KDM2B: variants seen among roughly 807,000 people sequenced by gnomAD.
KDM2B encodes lysine demethylase 2B, also known as lysine-specific demethylase 2B.
In KDM2B, 26 loss-of-function variants were observed where a neutral mutation model predicts 150.0. The ratio of observed to expected loss-of-function variants is 0.17; its 90% CI spans 0.13 to 0.24. The LOEUF is 0.24. Ranked by LOEUF, KDM2B falls within the 10% of genes least tolerant of loss-of-function variation. The probability of loss-of-function intolerance (pLI) is 1.00; values close to 1 mark genes in which losing one functional copy is unlikely to be tolerated. For missense variants in KDM2B, 1,265 were observed against 1,816.9 expected (o/e 0.70, Z 5.52); for synonymous variants, 734 against 729.5 (o/e 1.01, Z -0.10).
Position 121,533,274 on chromosome 12 carries a change from G to A in KDM2B, c.778-315C>T, listed in dbSNP as rs1887817046. On this transcript the variant is annotated intron_variant, in intron 7 of 22. Transcript: ENST00000377071. The surrounding 1 kb of genome is among the most constrained non-coding windows in gnomAD (Gnocchi z 4.1). ...CAGGCTTGTCTAGGAGGTGGGGGAA[G>A]GAGAGGAAGGGAATTTCCTAAGTTG... Among the ~76,000 whole-genome samples, 1 of 152,180 alleles carries A rather than the reference G, an allele frequency of 6.6e-6. No homozygotes were observed. The highest frequency in any genetic ancestry group is 1.5e-5 in the Non-Finnish European group (1 of 68,016).
intron 6 of KDM2B, chr12:121,536,295 C>G (rs1888090479): frequency 6.4e-6 from 1 of 155,628 alleles, no homozygotes; most frequent in South Asian, 2.0e-4. Flanking sequence ...AACCATGTGT[C>G]TGCAGGAGGC....
intron 12 of KDM2B, among the ~76,000 whole-genome samples, chr12:121,485,068 C>T (rs1168589171): frequency 3.3e-5 from 5 of 152,068 alleles, no homozygotes; most frequent in Non-Finnish European, 7.4e-5. Flanking sequence ...GGAGAGAGGC[C>T]TGAAGCAGAT....
intron 12 of KDM2B, among the ~76,000 whole-genome samples, chr12:121,478,837 A>G (rs2139923704): frequency 8.8e-6 from 1 of 113,852 alleles, no homozygotes; most frequent in East Asian, 2.4e-4. Flanking sequence ...ACAGGCACGT[A>G]CCACCACAAC....
intron 13 of KDM2B, among the ~76,000 whole-genome samples, chr12:121,450,756 A>T (rs548319717): frequency 6.6e-6 from 1 of 152,072 alleles, no homozygotes; most frequent in South Asian, 2.1e-4. Context: ...GCTACTCTGG[A>T]GGCTGAGGCA....
chr12:121,540,144 G>T (rs1439931341), intron 6 of KDM2B, among the ~76,000 whole-genome samples: 4 of 152,120 alleles, frequency 2.6e-5, no homozygotes, highest in African/African-American at 9.7e-5. Context: ...CCCTTATTGA[G>T]ATATGCATGC....
Position 121,513,528 on chromosome 12 carries a change from A to T in KDM2B, c.1048-126T>A, listed in dbSNP as rs1343286433. ...TGTCATCATCTTAGCGAGAGCATGG[A>T]TGGTCGGGGGAGAAATGGTGGGGTG... is the stretch of plus-strand genomic sequence containing the variant. On this transcript the variant is annotated intron_variant, in intron 9 of 22. Transcript: ENST00000377071. This position sits in a 1 kb window ranked among gnomAD's most constrained non-coding sequence, Gnocchi z 5.0. The T allele has an allele frequency of 4.7e-6, 5 of 1,072,680 alleles. No individual in the cohort carries two copies. The East Asian group carries it at 1.2e-4, about 27-fold the overall frequency. The allele number at this position is 1,072,680 out of a possible 1,614,324, so 66.4% of individuals were successfully genotyped here. A position where few individuals can be genotyped will look rare whatever the true frequency, so the allele number is the denominator to read the frequency against.
intron 9 of KDM2B, among the ~76,000 whole-genome samples, chr12:121,514,495 C>G (rs929530531): frequency 4.0e-5 from 6 of 151,692 alleles, no homozygotes; most frequent in Admixed American, 6.6e-5. Flanking sequence ...GGACCCAACA[C>G]AAGGATGGAA....
At chr12:121,531,965 C>T (rs1294019704) in intron 8 of KDM2B, among the ~76,000 whole-genome samples, 7 of 151,872 alleles carry the variant, frequency 4.6e-5, no homozygotes, top group African/African-American at 1.7e-4. Context: ...TGTTGGCGCA[C>T]GTCTGTAATC....
At chr12:121,562,122 A>T (rs1456879020) in intron 4 of KDM2B, among the ~76,000 whole-genome samples, 3 of 150,980 alleles carry the variant, frequency 2.0e-5, no homozygotes, top group Non-Finnish European at 4.4e-5. Flanking sequence ...GCGAGCCGAG[A>T]TCAAGCCACT....
At chr12:121,454,239 C>T (rs1593801498) in intron 12 of KDM2B, among the ~76,000 whole-genome samples, 1 of 152,314 alleles carries the variant, frequency 6.6e-6, no homozygotes, top group South Asian at 2.1e-4. Flanking sequence ...ACCACTGCAC[C>T]TCTCTACGAG....
intron 6 of KDM2B, among the ~76,000 whole-genome samples, chr12:121,541,979 T>A (rs1177354225): frequency 6.6e-6 from 1 of 152,226 alleles, no homozygotes; most frequent in Non-Finnish European, 1.5e-5. Context: ...AATGCTTTGA[T>A]ACACCTCCCT....
chr12:121,546,558 T>G (rs1408139338), intron 6 of KDM2B, among the ~76,000 whole-genome samples: 2 of 151,110 alleles, frequency 1.3e-5, no homozygotes, highest in South Asian at 2.1e-4. Flanking sequence ...AATTTTTTTT[T>G]GGTTTTTTTT....
chr12:121,523,220 G>C (rs782170158), intron 8 of KDM2B, among the ~76,000 whole-genome samples: 1 of 152,260 alleles, frequency 6.6e-6, no homozygotes, highest in Non-Finnish European at 1.5e-5. Context: ...TGCATCAAAG[G>C]TTCTGCACAG....
chr12:121,538,172 G>A (rs1431736570), intron 6 of KDM2B, among the ~76,000 whole-genome samples: 4 of 151,996 alleles, frequency 2.6e-5, no homozygotes, highest in African/African-American at 9.7e-5. Context: ...GGAGGCGGAG[G>A]GAGGCCGCGG....
rs3080029 is a variant in KDM2B, at chr12:121,502,760, CAAAAAAAAAAAA to C, written c.1647+6795_1647+6806del. Among the ~76,000 whole-genome samples the C allele has an allele frequency of 8.9e-4, 40 of 45,186 alleles. 1 individual carries two copies. The highest frequency in any genetic ancestry group is 7.0e-3 in the Admixed American group (23 of 3,292). The allele number at this position is 45,186 out of a possible 152,430, so 29.6% of individuals were successfully genotyped here. On this transcript the variant is annotated intron_variant, in intron 11 of 22. Coordinates refer to ENST00000377071, the MANE Select transcript of KDM2B (RefSeq NM_032590.5). ...AGCAGAGCGAGACCCCCATCTCTAC[CAAAAAAAAAAAA>C]AAAAAAAAAAAAAAACTTAAATGAA...
chr12:121,565,576 C>A (rs1230016355), intron 4 of KDM2B, among the ~76,000 whole-genome samples: 1 of 152,246 alleles, frequency 6.6e-6, no homozygotes, highest in Non-Finnish European at 1.5e-5. Flanking sequence ...CTTGGCCTCC[C>A]AAAGTGCTAG....
At chr12:121,504,342 A>G (rs1176036802) in intron 11 of KDM2B, among the ~76,000 whole-genome samples, 2 of 152,184 alleles carry the variant, frequency 1.3e-5, no homozygotes, top group African/African-American at 4.8e-5. Flanking sequence ...CATTACAGGC[A>G]TAAGCAACAT....
intron 12 of KDM2B, among the ~76,000 whole-genome samples, chr12:121,459,916 T>C (rs1555293514): frequency 6.6e-6 from 1 of 151,908 alleles, no homozygotes; most frequent in Non-Finnish European, 1.5e-5. Flanking sequence ...TTGTAAATCA[T>C]GTATCTAGCA....
In KDM2B at chr12:121,429,454, A is replaced by C. The variant is rs13754; in HGVS notation, c.*834T>G. 0.19 allele frequency: 29,310 copies of C among 154,606 alleles called. 4,315 individuals carry two copies. Among genetic ancestry groups the C allele is most frequent in the African/African-American group, 0.41 (17,081 of 41,498 alleles). 9.6% of individuals were successfully genotyped at this position (154,606 alleles called of 1,614,324 possible). A position where few individuals can be genotyped will look rare whatever the true frequency, so the allele number is the denominator to read the frequency against. ...GTACAAGAGCTCATGCTGGAGCAGA[A>C]CCTCCTGAGTGCAAAGGCTGAAGTC... is the stretch of plus-strand genomic sequence containing the variant. On this transcript the variant is annotated 3_prime_UTR_variant, in exon 23 of 23. Coordinates refer to ENST00000377071, the MANE Select transcript of KDM2B (RefSeq NM_032590.5).
Sources: allele counts gnomAD v4.1 joint callset (sites outside exome capture counted in the v4.1 genomes callset), GRCh38; gene constraint gnomAD v4.1.1; non-coding constraint Gnocchi (gnomAD v3.1); transcripts MANE v1.5; gene names NCBI Gene and HGNC (gene_info 2026-07-23, HGNC 2026-07-21).